Variants in XPA observed in about 807,000 individuals in gnomAD.
XPA encodes XPA, DNA damage recognition and repair factor, also known as DNA repair protein complementing XP-A cells.
A neutral mutation model predicts 35.7 loss-of-function variants in XPA; 27 were observed. The observed-to-expected ratio is 0.76, with a 90% CI of 0.56 to 1.04. The LOEUF is 1.04. Among genes scored for constraint, XPA ranks in the 50% least tolerant of loss-of-function variants. The pLI is 0.00. For missense variants in XPA, 354 were observed against 342.7 expected (o/e 1.03, Z -0.26); for synonymous variants, 133 against 118.4 (o/e 1.12, Z -0.80).
At chr9:97,666,941 A>G in the XPA span, 1 of 1,183,086 alleles carries the variant, frequency 8.5e-7, no homozygotes, top group Non-Finnish European at 1.2e-6. Context: ...GAGAGGATTC[A>G]GAGTTCATTA....
the XPA span, chr9:97,669,605 A>T: frequency 6.2e-7 from 1 of 1,608,398 alleles, no homozygotes; most frequent in Admixed American, 1.7e-5. Flanking sequence ...GTTTATCATG[A>T]TCTTGACCGA....
At chr9:97,676,998 A>G (rs1482444301) in intron 5 of XPA, among the ~76,000 whole-genome samples, 1 of 152,054 alleles carries the variant, frequency 6.6e-6, no homozygotes, top group Non-Finnish European at 1.5e-5. Context: ...GCTAACCAGA[A>G]CTCCACAGAT....
At chr9:97,668,922 A>C in the XPA span, 3 of 1,613,732 alleles carry the variant, frequency 1.9e-6, no homozygotes, top group African/African-American at 4.0e-5. Flanking sequence ...CTTCAGGAAA[A>C]AGTGGAATCT....
At position 97,679,206 on chromosome 9, in the gene XPA, G is replaced by GT. The variant is rs1828462247; in HGVS notation, c.674-3620dup. Among the ~76,000 whole-genome samples, 14 of 152,212 alleles carry GT rather than the reference G, an allele frequency of 9.2e-5. 1 individual carries two copies. The South Asian group carries it at 2.9e-3, about 32-fold the overall frequency. On this transcript the variant is annotated intron_variant, in intron 5 of 5. Coordinates refer to ENST00000375128, the MANE Select transcript of XPA (RefSeq NM_000380.4). Reference sequence around the variant, plus strand: ...GAAATATACACTGTAATACTTAAGGGTAAAGGGTGGTGATGTATACAACTT... The same window carrying GT: ...GAAATATACACTGTAATACTTAAGGGTTAAAGGGTGGTGATGTATACAACTT...
intron 2 of XPA, among the ~76,000 whole-genome samples, chr9:97,690,596 C>T (rs1828857591): frequency 6.6e-6 from 1 of 152,184 alleles, no homozygotes; most frequent in African/African-American, 2.4e-5. Context: ...CCATGTTGGC[C>T]AGGCTGGTCT....
At chr9:97,660,654 C>G in the XPA span, among the ~76,000 whole-genome samples, 31 of 152,162 alleles carry the variant, frequency 2.0e-4, no homozygotes, top group Admixed American at 2.0e-3. Context: ...TTTCTCCTTA[C>G]CATTCATCTT....
intron 1 of XPA, among the ~76,000 whole-genome samples, chr9:97,694,861 C>A (rs909478214): frequency 2.6e-5 from 4 of 152,128 alleles, no homozygotes; most frequent in Non-Finnish European, 4.4e-5. Context: ...CCCAAATAGC[C>A]ACCAAAAGGA....
chr9:97,695,900 CA>C (rs1829028711), intron 1 of XPA, among the ~76,000 whole-genome samples: 2 of 152,150 alleles, frequency 1.3e-5, no homozygotes, highest in Non-Finnish European at 2.9e-5. Flanking sequence ...TTTCCATGAT[CA>C]AAAGTTTAAT....
At chr9:97,693,895 AACATTAT>A in intron 1 of XPA, 136 bp from the exon 2 acceptor site, 1 of 822,176 alleles carries the variant, frequency 1.2e-6, no homozygotes, top group South Asian at 1.5e-5. Context: ...ACTTCTATTC[AACATTAT>A]ACTGAAGGTC....
At chr9:97,662,870 GAGT>G in the XPA span, 1 of 987,840 alleles carries the variant, frequency 1.0e-6, no homozygotes, top group Non-Finnish European at 1.5e-6. Flanking sequence ...ATTATAAATT[GAGT>G]AACATTGAAA....
In XPA at chr9:97,693,845, TC is replaced by T. The variant is rs1828964856; in HGVS notation, c.173-87del. 1.2e-5 allele frequency: 14 copies of T among 1,179,548 alleles called. 1 individual carries two copies. In the South Asian group the frequency reaches 1.7e-4, roughly 15 times the overall value. 73.1% of individuals were successfully genotyped at this position (1,179,548 alleles called of 1,614,324 possible). The stretch of plus-strand genomic sequence containing the variant: ...TCATAAATAGAAAATTCCTTTGAAT[TC>T]AATATATCTCAAACAACACAAGGAT... On this transcript the variant is annotated intron_variant, in intron 1 of 5. Transcript: ENST00000375128.
At chr9:97,691,166 T>C (rs1828875391) in intron 2 of XPA, among the ~76,000 whole-genome samples, 1 of 152,050 alleles carries the variant, frequency 6.6e-6, no homozygotes, top group Non-Finnish European at 1.5e-5. Flanking sequence ...CACTTCCAAA[T>C]GGAAAAAAAT....
intron 2 of XPA, among the ~76,000 whole-genome samples, chr9:97,692,058 C>T (rs551593826): frequency 1.4e-4 from 21 of 151,808 alleles, no homozygotes; most frequent in African/African-American, 4.3e-4. Context: ...TTTGGGAGGC[C>T]GAGGAGGGTG....
At chr9:97,668,842 A>G in the XPA span, 5 of 1,610,158 alleles carry the variant, frequency 3.1e-6, no homozygotes, top group Non-Finnish European at 3.4e-6. Flanking sequence ...TTTGCCTTCT[A>G]TAGCGAAGTG....
the XPA span, among the ~76,000 whole-genome samples, chr9:97,666,016 T>C: frequency 6.0e-4 from 92 of 152,272 alleles, no homozygotes; most frequent in Admixed American, 1.5e-3. Context: ...GTTGGTCTTA[T>C]TGACTCAGGT....
downstream of XPA, chr9:97,670,948 A>G (rs1828171502): frequency 1.9e-6 from 1 of 515,400 alleles, no homozygotes; most frequent in Admixed American, 3.8e-5. Context: ...TCAGGGGTCC[A>G]TTGTTCCTAT....
At chr9:97,675,930 A>G (rs1053799426) in intron 5 of XPA, 4 of 281,820 alleles carry the variant, frequency 1.4e-5, no homozygotes, top group Non-Finnish European at 1.4e-5. Context: ...ACTTCAGATA[A>G]CAGAATGCCA....
the XPA span, chr9:97,669,030 T>C: frequency 7.3e-3 from 11,010 of 1,499,540 alleles, 634 homozygotes; most frequent in East Asian, 0.1. Context: ...TCTTTAGTTT[T>C]AGTTTTTAAA....
chr9:97,665,198 G>A, the XPA span, among the ~76,000 whole-genome samples: 3 of 152,236 alleles, frequency 2.0e-5, no homozygotes, highest in Non-Finnish European at 4.4e-5. Context: ...GTGATAGGGT[G>A]TGATCTAAGG....
Sources: allele counts gnomAD v4.1 joint callset (sites outside exome capture counted in the v4.1 genomes callset), GRCh38; gene constraint gnomAD v4.1.1; transcripts MANE v1.5; gene names NCBI Gene and HGNC (gene_info 2026-07-23, HGNC 2026-07-21).